The following PTPRK variants were observed in gnomAD, a reference collection of about 807,000 sequenced individuals.
The protein encoded by PTPRK is protein tyrosine phosphatase receptor type K, also known as receptor-type tyrosine-protein phosphatase kappa.
A neutral mutation model predicts 178.0 loss-of-function variants in PTPRK; 75 were observed. The ratio of observed to expected loss-of-function variants is 0.42; its 90% confidence interval spans 0.35 to 0.51. The LOEUF (loss-of-function observed/expected upper bound fraction) is 0.51. Ranked by LOEUF, PTPRK falls within the 20% of genes least tolerant of loss-of-function variation. The probability of loss-of-function intolerance (pLI) is 0.02; values close to 1 mark genes in which losing one functional copy is unlikely to be tolerated. For synonymous variants in PTPRK, 637 were observed against 620.6 expected, an observed-to-expected ratio of 1.03 and a Z score of -0.39; for missense variants, 1,441 against 1,797.8, an observed-to-expected ratio of 0.80 and a Z score of 3.59.
chr6:128,116,432 T>C (rs1172869637), intron 7 of PTPRK, among the ~76,000 whole-genome samples: 1 of 150,812 alleles, frequency 6.6e-6, no homozygotes, highest in Non-Finnish European at 1.5e-5. Context: ...GATAACTATA[T>C]ATCTCTGGAA....
chr6:128,430,030 A>C (rs1334578353), intron 1 of PTPRK, among the ~76,000 whole-genome samples: 1 of 152,212 alleles, frequency 6.6e-6, no homozygotes, highest in African/African-American at 2.4e-5. Flanking sequence ...GATGATGAAA[A>C]GGTTCCCTGT....
intron 1 of PTPRK, among the ~76,000 whole-genome samples, chr6:128,483,529 T>C (rs986597815): frequency 1.3e-5 from 2 of 152,162 alleles, no homozygotes; most frequent in African/African-American, 4.8e-5. Flanking sequence ...ATATTGAACC[T>C]GACTCTCTTT....
rs531689768 is a variant in PTPRK, at chr6:128,332,883, A to T, written c.224-10573T>A. Among the ~76,000 whole-genome samples the T allele has an allele frequency of 2.2e-3, 339 of 152,292 alleles. 2 individuals carry two copies. Among genetic ancestry groups the T allele is most frequent in the Middle Eastern group, 3.4e-3 (1 of 294 alleles). ...TCCAAGAAACACACACACTTACTTC[A>T]CCAACAATTTCAAAGGACTCATTGA... On this transcript the variant is annotated intron_variant, in intron 2 of 29. Transcript: ENST00000368226.
chr6:128,305,389 T>A (rs1166499514), intron 3 of PTPRK, among the ~76,000 whole-genome samples: 1 of 152,174 alleles, frequency 6.6e-6, no homozygotes, highest in Non-Finnish European at 1.5e-5. Context: ...ATATCAGGCT[T>A]GAATAGTTAG....
At chr6:128,204,154 G>GA (rs1266780891) in intron 6 of PTPRK, among the ~76,000 whole-genome samples, 1 of 152,062 alleles carries the variant, frequency 6.6e-6, no homozygotes, top group African/African-American at 2.4e-5. Context: ...TGACAAACCT[G>GA]AAAAAACAAG....
intron 2 of PTPRK, among the ~76,000 whole-genome samples, chr6:128,326,311 A>T (rs1341236803): frequency 2.0e-5 from 3 of 152,128 alleles, no homozygotes; most frequent in Non-Finnish European, 2.9e-5. Flanking sequence ...AGTATATTTT[A>T]AAAAAAGAGA....
At chr6:128,380,916 G>T (rs965496849) in intron 2 of PTPRK, among the ~76,000 whole-genome samples, 1 of 152,152 alleles carries the variant, frequency 6.6e-6, no homozygotes, top group Non-Finnish European at 1.5e-5. Context: ...TCTACTGTAA[G>T]CCATAAAACC....
chr6:128,237,673 A>C (rs924546799), intron 5 of PTPRK, among the ~76,000 whole-genome samples: 4 of 152,316 alleles, frequency 2.6e-5, no homozygotes, highest in East Asian at 3.9e-4. Context: ...AACTGGGTTA[A>C]AAGGTTTAGG....
At chr6:128,193,280 GAAAAAAAAAAAAAAA>G (rs778872277) in intron 6 of PTPRK, among the ~76,000 whole-genome samples, 1 of 57,754 alleles carries the variant, frequency 1.7e-5, no homozygotes, top group Non-Finnish European at 3.2e-5. Context: ...TCCAGCTTGT[GAAAAAAAAAAAAAAA>G]AAAAAAAAAG....
intron 13 of PTPRK, among the ~76,000 whole-genome samples, chr6:128,022,021 T>C (rs1345192117): frequency 2.6e-5 from 4 of 152,214 alleles, no homozygotes; most frequent in African/African-American, 9.6e-5. Context: ...CTTGACTCTC[T>C]AGCAAAGAGT....
At chr6:128,000,357 C>T (rs1777679962) in intron 15 of PTPRK, 2 of 1,248,274 alleles carry the variant, frequency 1.6e-6, no homozygotes, top group African/African-American at 1.6e-5. Context: ...AAAAAGAACC[C>T]TACAATCAGA....
chr6:127,975,859 G>A (rs1774510782), intron 27 of PTPRK, among the ~76,000 whole-genome samples: 1 of 147,018 alleles, frequency 6.8e-6, no homozygotes, highest in African/African-American at 2.6e-5. Context: ...TTTTAGTAGA[G>A]ATGGGGTTTC....
At chr6:128,061,356 T>C (rs963313349) in intron 13 of PTPRK, among the ~76,000 whole-genome samples, 5 of 152,172 alleles carry the variant, frequency 3.3e-5, no homozygotes, top group African/African-American at 1.2e-4. Flanking sequence ...CTGTTGCATA[T>C]GGCCTGAACA....
At chr6:128,153,902 T>C (rs1168345113) in intron 7 of PTPRK, among the ~76,000 whole-genome samples, 1 of 151,846 alleles carries the variant, frequency 6.6e-6, no homozygotes, top group African/African-American at 2.4e-5. Flanking sequence ...AAGGTATAGT[T>C]CAGACCTCCA....
chr6:128,492,400 C>A (rs1853944122), intron 1 of PTPRK, among the ~76,000 whole-genome samples: 1 of 152,142 alleles, frequency 6.6e-6, no homozygotes, highest in African/African-American at 2.4e-5. Context: ...CATATTTAAG[C>A]AACTGCCTAC....
chr6:128,116,591 C>A (rs1791560518), intron 7 of PTPRK, among the ~76,000 whole-genome samples: 1 of 152,148 alleles, frequency 6.6e-6, no homozygotes, highest in African/African-American at 2.4e-5. Flanking sequence ...TCTAAGACTG[C>A]AAAGGAAATC....
chr6:128,488,327 A>G (rs898916184), intron 1 of PTPRK, among the ~76,000 whole-genome samples: 1 of 152,214 alleles, frequency 6.6e-6, no homozygotes, highest in African/African-American at 2.4e-5. Context: ...CCACCCAGAC[A>G]TAGGGTCTGC....
intron 5 of PTPRK, among the ~76,000 whole-genome samples, chr6:128,220,973 T>C (rs1003665330): frequency 1.3e-5 from 2 of 152,182 alleles, no homozygotes; most frequent in African/African-American, 2.4e-5. Flanking sequence ...TCAAAGTTCC[T>C]GAAAACTTAA....
At chr6:128,105,205 C>T (rs1229692115) in intron 7 of PTPRK, among the ~76,000 whole-genome samples, 1 of 151,380 alleles carries the variant, frequency 6.6e-6, no homozygotes, top group Non-Finnish European at 1.5e-5. Flanking sequence ...ACGATCTCGG[C>T]TCACCGCAAG....
Sources: gnomAD v4.1 joint callset for allele counts (sites outside exome capture counted in the v4.1 genomes callset) on GRCh38, gnomAD v4.1.1 for gene constraint, MANE v1.5 for transcripts, NCBI Gene and HGNC (gene_info 2026-07-23, HGNC 2026-07-21) for gene names.